UPP2: variants seen among roughly 807,000 people sequenced by gnomAD.
UPP2 encodes the protein uridine phosphorylase 2, also known as UPase 2.
A neutral mutation model predicts 26.7 loss-of-function variants in UPP2; 23 were observed. The ratio of observed to expected loss-of-function variants is 0.86; its 90% CI spans 0.62 to 1.22. UPP2 has a LOEUF of 1.22. UPP2 is among the 50% of genes most tolerant of loss of function. UPP2 has a pLI of 0.00. For missense variants in UPP2, 387 were observed against 396.7 expected, an observed-to-expected ratio of 0.98 and a Z score of 0.21; for synonymous variants, 127 against 141.3, an observed-to-expected ratio of 0.90 and a Z score of 0.72.
intron 2 of UPP2, among the ~76,000 whole-genome samples, chr2:157,996,294 A>G (rs1683323348): frequency 6.6e-6 from 1 of 152,206 alleles, no homozygotes; most frequent in South Asian, 2.1e-4. Context: ...ACTATTGCCT[A>G]AACATACTTT....
intron 2 of UPP2, among the ~76,000 whole-genome samples, chr2:157,995,502 G>A (rs1221296219): frequency 6.6e-6 from 1 of 152,000 alleles, no homozygotes; most frequent in Non-Finnish European, 1.5e-5. Flanking sequence ...GGTTATTTTA[G>A]AAAAACATGC....
In UPP2 at chr2:158,080,927, C is replaced by T. The variant is rs901521608; in HGVS notation, c.148-21113C>T. 2.0e-5 allele frequency among the ~76,000 whole-genome samples: 3 copies of T among 152,060 alleles called. No individual in the cohort carries two copies. In the South Asian group the frequency reaches 6.2e-4, roughly 31 times the overall value. On this transcript the variant is annotated intron_variant, in intron 3 of 9. Coordinates refer to the UPP2 transcript ENST00000605860. ...ACCTCAGTTATTTGTTAGAAAACCACGTTGCAGTATTTTAAAAGTATTCAT... is the reference window on the plus strand; with the variant it reads ...ACCTCAGTTATTTGTTAGAAAACCATGTTGCAGTATTTTAAAAGTATTCAT...
chr2:158,103,687 G>A (rs950850110), intron 1 of UPP2, among the ~76,000 whole-genome samples: 14 of 152,318 alleles, frequency 9.2e-5, no homozygotes, highest in African/African-American at 2.9e-4. Flanking sequence ...GGCAGTGTTT[G>A]TCAAACTTTA....
intron 3 of UPP2, among the ~76,000 whole-genome samples, chr2:158,089,008 T>C (rs1264738078): frequency 6.6e-6 from 1 of 152,092 alleles, no homozygotes; most frequent in Non-Finnish European, 1.5e-5. Context: ...TGTGATAGTG[T>C]AGGGAGGATC....
intron 2 of UPP2, among the ~76,000 whole-genome samples, chr2:158,007,555 A>AACACCGGC (rs1488173484): frequency 6.6e-6 from 1 of 151,838 alleles, no homozygotes; most frequent in African/African-American, 2.4e-5. Flanking sequence ...GGCAACTTTT[A>AACACCGGC]ACACCGGCCA....
At chr2:158,123,572 A>T (rs1683622477) in intron 5 of UPP2, among the ~76,000 whole-genome samples, 177 bp from the exon 6 acceptor site, 1 of 152,228 alleles carries the variant, frequency 6.6e-6, no homozygotes, top group Non-Finnish European at 1.5e-5. Context: ...AGCTAGGGAC[A>T]GCATCGCTCC....
intron 2 of UPP2, among the ~76,000 whole-genome samples, chr2:158,013,710 AAGG>A (rs1317224849): frequency 6.6e-6 from 1 of 152,218 alleles, no homozygotes; most frequent in East Asian, 1.9e-4. Context: ...TTTTCCTGAG[AAGG>A]AGAAGGGCGA....
intron 3 of UPP2, among the ~76,000 whole-genome samples, chr2:158,029,047 C>T (rs1019028820): frequency 2.6e-5 from 4 of 152,192 alleles, no homozygotes; most frequent in African/African-American, 4.8e-5. Flanking sequence ...TCTGTTCACT[C>T]GCCCCTCATT....
chr2:158,119,716 T>A (rs1683519240), intron 4 of UPP2, among the ~76,000 whole-genome samples: 1 of 151,946 alleles, frequency 6.6e-6, no homozygotes, highest in African/African-American at 2.4e-5. Context: ...CTTGGATTGT[T>A]TAAAAACTAT....
At chr2:158,063,021 G>A (rs939272158) in intron 3 of UPP2, among the ~76,000 whole-genome samples, 8 of 152,156 alleles carry the variant, frequency 5.3e-5, no homozygotes, top group African/African-American at 1.9e-4. Flanking sequence ...TCCCCAAGCT[G>A]ACAAACACAG....
rs191406357 is a variant in UPP2, at chr2:158,029,938, C to T, written c.147+14052C>T. On this transcript the variant is annotated intron_variant, in intron 3 of 9. Transcript: ENST00000605860. ...AGGCATGGCAATTTGACACAGATTT[C>T]GTAATTATTCCTTAGGGTAGTCCTT... is the stretch of plus-strand genomic sequence containing the variant. 2.7e-3 allele frequency among the ~76,000 whole-genome samples: 404 copies of T among 152,038 alleles called. 6 individuals carry two copies. Among genetic ancestry groups the T allele is most frequent in the Non-Finnish European group, 2.4e-3 (164 of 67,976 alleles).
chr2:158,069,377 G>A (rs1397163623), intron 3 of UPP2, among the ~76,000 whole-genome samples: 2 of 152,202 alleles, frequency 1.3e-5, no homozygotes, highest in African/African-American at 2.4e-5. Context: ...GCAGGAGAAA[G>A]GGGTTTGCTC....
chr2:158,050,840 G>C (rs1682143423), intron 3 of UPP2, among the ~76,000 whole-genome samples: 1 of 152,136 alleles, frequency 6.6e-6, no homozygotes, highest in Non-Finnish European at 1.5e-5. Context: ...TAGGAAGGAT[G>C]AAAAAGACCT....
intron 3 of UPP2, among the ~76,000 whole-genome samples, chr2:158,029,795 CT>C (rs565905140): frequency 0.11 from 14,095 of 132,378 alleles, 692 homozygotes; most frequent in Middle Eastern, 0.21. Context: ...CATCTCGTTT[CT>C]TTTTTTTTTT....
intron 6 of UPP2, among the ~76,000 whole-genome samples, chr2:158,128,882 G>T (rs1398050843): frequency 3.3e-5 from 5 of 151,226 alleles, no homozygotes; most frequent in African/African-American, 1.2e-4. Flanking sequence ...AAAACATTAA[G>T]CAGATACTTA....
rs149481586 is a variant in UPP2 at position 158,061,179 on chromosome 2, T to G, written c.148-40861T>G. Among the ~76,000 whole-genome samples the G allele has an allele frequency of 3.0e-3, 456 of 152,348 alleles. 2 individuals are homozygous for G. Among genetic ancestry groups the G allele is most frequent in the Non-Finnish European group, 3.7e-3 (253 of 68,028 alleles). On this transcript the variant is annotated intron_variant, in intron 3 of 9. Coordinates refer to the UPP2 transcript ENST00000605860. Reference sequence around the variant, plus strand: ...TTTCAGATGAATCATAAAATTATTATCTCTGAACTGGATAAGAACTTAGGA... The same window carrying G: ...TTTCAGATGAATCATAAAATTATTAGCTCTGAACTGGATAAGAACTTAGGA...
chr2:158,124,964 A>G (rs1010629335), intron 6 of UPP2, among the ~76,000 whole-genome samples: 1 of 152,200 alleles, frequency 6.6e-6, no homozygotes, highest in African/African-American at 2.4e-5. Context: ...AAGCATATAG[A>G]TGGCATTTAA....
intron 3 of UPP2, among the ~76,000 whole-genome samples, chr2:158,048,277 T>A (rs1682080206): frequency 6.6e-6 from 1 of 152,150 alleles, no homozygotes; most frequent in African/African-American, 2.4e-5. Context: ...GGGGCCCCCA[T>A]GCTCAGTTAG....
chr2:158,100,740 TC>T (rs1683062232), upstream of UPP2, among the ~76,000 whole-genome samples: 1 of 152,212 alleles, frequency 6.6e-6, no homozygotes, highest in Non-Finnish European at 1.5e-5. Flanking sequence ...AGGATAAGTG[TC>T]CTCAGGAATT....
Sources: allele counts gnomAD v4.1 joint callset (sites outside exome capture counted in the v4.1 genomes callset), GRCh38; gene constraint gnomAD v4.1.1; transcripts MANE v1.5; gene names NCBI Gene and HGNC (gene_info 2026-07-23, HGNC 2026-07-21).